LRRC7: variants seen among roughly 807,000 people sequenced by gnomAD.
The protein encoded by LRRC7 is leucine-rich repeat-containing protein 7.
A neutral mutation model predicts 175.7 loss-of-function variants in LRRC7; 23 were observed. That is an observed-to-expected ratio of 0.13 (90% CI 0.09 to 0.19). The LOEUF is 0.19. Ranked by LOEUF, LRRC7 falls within the 10% of genes least tolerant of loss-of-function variation. The pLI is 1.00. For missense variants in LRRC7, 1,354 were observed against 1,904.7 expected (o/e 0.71, Z 5.38); for synonymous variants, 685 against 680.9 (o/e 1.01, Z -0.09).
At chr1:69,899,357 C>G (rs915097319) in intron 7 of LRRC7, among the ~76,000 whole-genome samples, 1 of 152,134 alleles carries the variant, frequency 6.6e-6, no homozygotes, top group African/African-American at 2.4e-5. Context: ...GATGCTCTTA[C>G]CTTTCTGGAG....
At chr1:69,726,091 A>G (rs1265748765) in intron 2 of LRRC7, among the ~76,000 whole-genome samples, 2 of 152,226 alleles carry the variant, frequency 1.3e-5, no homozygotes, top group Non-Finnish European at 2.9e-5. Context: ...ATTTCAATGT[A>G]GTCAAAATAC....
In LRRC7 at chr1:70,126,837, G is replaced by T. The variant is rs1666473831; in HGVS notation, c.*4950G>T. Among the ~76,000 whole-genome samples the T allele has an allele frequency of 6.6e-6, 1 of 152,062 alleles. No individual in the cohort carries two copies. ...TCCAGTCATATCCTGAACCTTCTGGGGGCATTTCTGTTTCTAGCGTGTAAA... is the reference window on the plus strand; with the variant it reads ...TCCAGTCATATCCTGAACCTTCTGGTGGCATTTCTGTTTCTAGCGTGTAAA... On this transcript the variant is annotated 3_prime_UTR_variant, in exon 27 of 27. Transcript: ENST00000651989.
intron 2 of LRRC7, among the ~76,000 whole-genome samples, chr1:69,755,049 C>T (rs57986555): frequency 2.0e-5 from 3 of 151,792 alleles, no homozygotes; most frequent in South Asian, 2.1e-4. Flanking sequence ...CCAAAGTGGA[C>T]GGATAAGTGT....
At chr1:69,724,689 A>G (rs1047975138) in intron 2 of LRRC7, among the ~76,000 whole-genome samples, 2 of 152,190 alleles carry the variant, frequency 1.3e-5, no homozygotes, top group African/African-American at 4.8e-5. Context: ...GTACTATTCT[A>G]GGTGCTGGAA....
chr1:69,849,478 T>C (rs1038137514), intron 7 of LRRC7, among the ~76,000 whole-genome samples: 4 of 152,038 alleles, frequency 2.6e-5, no homozygotes, highest in Non-Finnish European at 4.4e-5. Context: ...ATACTAAATA[T>C]AACTTAAAGA....
chr1:69,790,952 A>G (rs1026403974), intron 3 of LRRC7, among the ~76,000 whole-genome samples: 1 of 152,030 alleles, frequency 6.6e-6, no homozygotes, highest in Non-Finnish European at 1.5e-5. Context: ...TTTAAAGGCT[A>G]ATGAGTTAAG....
intron 7 of LRRC7, among the ~76,000 whole-genome samples, chr1:69,881,293 A>G (rs1686576567): frequency 1.3e-5 from 2 of 152,250 alleles, no homozygotes; most frequent in Non-Finnish European, 2.9e-5. Flanking sequence ...CAATAACAAC[A>G]AAATTAAAAT....
At chr1:69,945,235 C>T (rs1347586015) in intron 8 of LRRC7, among the ~76,000 whole-genome samples, 1 of 151,952 alleles carries the variant, frequency 6.6e-6, no homozygotes, top group Non-Finnish European at 1.5e-5. Context: ...TCCAACTTTC[C>T]CAAAAGTATT....
chr1:69,835,283 G>A (rs1309370593), intron 6 of LRRC7, among the ~76,000 whole-genome samples: 1 of 151,294 alleles, frequency 6.6e-6, no homozygotes, highest in East Asian at 1.9e-4. Context: ...AAGATTTAAG[G>A]TAAAACAATC....
At position 70,067,096 on chromosome 1, in the gene LRRC7, T is replaced by C. The variant is rs149950245; in HGVS notation, c.4231-8981T>C. Among the ~76,000 whole-genome samples, 39 of 152,260 alleles carry C rather than the reference T, an allele frequency of 2.6e-4. No individual in the cohort carries two copies. The East Asian group carries it at 7.1e-3, about 28-fold the overall frequency. Reference sequence around the variant, plus strand: ...TATATCCTCTTTGGTAAAATGTCTCTTCGCATCTTTTGCCCATGTTCTAAA... The same window carrying C: ...TATATCCTCTTTGGTAAAATGTCTCCTCGCATCTTTTGCCCATGTTCTAAA... On this transcript the variant is annotated intron_variant, in intron 23 of 26. Coordinates refer to ENST00000651989, the MANE Select transcript of LRRC7 (RefSeq NM_001370785.2).
At chr1:69,892,705 C>T (rs1293007069) in intron 7 of LRRC7, among the ~76,000 whole-genome samples, 1 of 152,130 alleles carries the variant, frequency 6.6e-6, no homozygotes, top group African/African-American at 2.4e-5. Context: ...ATTTCACTGA[C>T]CCTTGTAACA....
chr1:69,661,404 C>A (rs1657455158), intron 1 of LRRC7, among the ~76,000 whole-genome samples: 1 of 152,142 alleles, frequency 6.6e-6, no homozygotes. Flanking sequence ...TTATGCCTTA[C>A]AACATCCCAG....
chr1:69,852,362 A>G (rs1339696131), intron 7 of LRRC7, among the ~76,000 whole-genome samples: 1 of 152,194 alleles, frequency 6.6e-6, no homozygotes, highest in Non-Finnish European at 1.5e-5. Flanking sequence ...ACTCATGCCA[A>G]GCACTTGATG....
At chr1:69,659,208 A>G (rs227115) in intron 1 of LRRC7, among the ~76,000 whole-genome samples, 110,659 of 151,756 alleles carry the variant, frequency 0.73, 40,693 homozygotes, top group South Asian at 0.8. Flanking sequence ...TAGATGATGC[A>G]TAATAGAGAG....
chr1:69,962,156 A>G (rs903413151), intron 8 of LRRC7, among the ~76,000 whole-genome samples: 7 of 152,152 alleles, frequency 4.6e-5, no homozygotes, highest in Non-Finnish European at 8.8e-5. Flanking sequence ...AAAACATTTA[A>G]AAGTGGGCAA....
intron 7 of LRRC7, among the ~76,000 whole-genome samples, chr1:69,909,771 G>A (rs528565585): frequency 1.9e-4 from 29 of 152,120 alleles, no homozygotes; most frequent in African/African-American, 7.0e-4. Context: ...TTCTCGGGGA[G>A]TATCTTTGTG....
chr1:69,867,335 G>T (rs1184030460), intron 7 of LRRC7, among the ~76,000 whole-genome samples: 1 of 152,164 alleles, frequency 6.6e-6, no homozygotes, highest in Non-Finnish European at 1.5e-5. Context: ...AAGCACTGAT[G>T]TAAAATAGAA....
intron 7 of LRRC7, among the ~76,000 whole-genome samples, chr1:69,888,825 A>T (rs1421983642): frequency 6.6e-6 from 1 of 152,186 alleles, no homozygotes; most frequent in Non-Finnish European, 1.5e-5. Context: ...TTGCAGTTGT[A>T]AAATGGATAC....
At chr1:69,963,232 G>A (rs1386318060) in intron 8 of LRRC7, among the ~76,000 whole-genome samples, 2 of 151,360 alleles carry the variant, frequency 1.3e-5, no homozygotes, top group African/African-American at 4.9e-5. Context: ...TTGAACCCAG[G>A]AGGCAGAGGT....
Sources: allele counts gnomAD v4.1 joint callset (sites outside exome capture counted in the v4.1 genomes callset), GRCh38; gene constraint gnomAD v4.1.1; transcripts MANE v1.5; gene names NCBI Gene and HGNC (gene_info 2026-07-23, HGNC 2026-07-21).